The following S100A13 variants were observed in gnomAD, a reference collection of about 807,000 sequenced individuals.
The protein encoded by S100A13 is protein S100-A13.
In S100A13, 6 loss-of-function variants were observed where a neutral mutation model predicts 8.2. That is an observed-to-expected ratio of 0.73 (90% confidence interval 0.40 to 1.44). S100A13 has a LOEUF of 1.44. Ranked by LOEUF, S100A13 falls within the 40% of genes most tolerant of loss-of-function variation. The probability of loss-of-function intolerance (pLI) is 0.02; values close to 1 mark genes in which losing one functional copy is unlikely to be tolerated. For synonymous variants in S100A13, 39 were observed against 45.9 expected, an observed-to-expected ratio of 0.85 and a Z score of 0.61; for missense variants, 114 against 113.6, an observed-to-expected ratio of 1.00 and a Z score of -0.02.
upstream of S100A13, chr1:153,628,334 C>T: frequency 3.3e-6 from 5 of 1,527,698 alleles, no homozygotes; most frequent in Non-Finnish European, 4.4e-6. Context: ...TGCTCCTGGC[C>T]CCTTGCCCCA....
At chr1:153,626,601 GTCCC>G in intron 1 of S100A13, 68 bp from the exon 2 acceptor site, 1 of 891,728 alleles carries the variant, frequency 1.1e-6, no homozygotes, top group African/African-American at 1.7e-5. Context: ...GGTTCAGAAG[GTCCC>G]TGCCTTGGTG....
chr1:153,625,675 C>T (rs1423784021), intron 2 of S100A13, among the ~76,000 whole-genome samples: 2 of 152,242 alleles, frequency 1.3e-5, no homozygotes, highest in Non-Finnish European at 2.9e-5. Flanking sequence ...CCAGCTCTGA[C>T]AGTCTGTGAA....
upstream of S100A13, chr1:153,630,764 G>A: frequency 1.4e-6 from 2 of 1,450,218 alleles, no homozygotes; most frequent in South Asian, 2.7e-5. Flanking sequence ...GCTCAGCCTA[G>A]CCTCTTTCTT....
At chr1:153,620,831 C>G (rs1667196516) in intron 2 of S100A13, among the ~76,000 whole-genome samples, 1 of 151,892 alleles carries the variant, frequency 6.6e-6, no homozygotes, top group Admixed American at 6.6e-5. Context: ...TTGGGGAGGC[C>G]AAGGTGAGAG....
At chr1:153,627,889 G>A (rs1667764596), upstream of S100A13, 1 of 792,990 alleles carries the variant, frequency 1.3e-6, no homozygotes, top group Non-Finnish European at 2.0e-6. Flanking sequence ...AGGCCCCTTG[G>A]AATGAGATCC....
chr1:153,622,688 G>T (rs1667346586), intron 2 of S100A13, among the ~76,000 whole-genome samples: 1 of 152,222 alleles, frequency 6.6e-6, no homozygotes, highest in African/African-American at 2.4e-5. Flanking sequence ...CCATATATGT[G>T]AAGTGAGGAA....
chr1:153,620,884 T>C (rs780855655), intron 2 of S100A13, among the ~76,000 whole-genome samples: 8 of 151,978 alleles, frequency 5.3e-5, no homozygotes, highest in Non-Finnish European at 8.8e-5. Flanking sequence ...AGGGCAACAT[T>C]GTGAGACACC....
upstream of S100A13, chr1:153,628,490 G>A (rs1667809782): frequency 6.4e-7 from 1 of 1,550,710 alleles, no homozygotes; most frequent in Non-Finnish European, 8.7e-7. Flanking sequence ...TCAGGCCCAG[G>A]CCAACCGTGA....
upstream of S100A13, chr1:153,630,393 C>G: frequency 7.6e-7 from 1 of 1,315,648 alleles, no homozygotes; most frequent in South Asian, 1.5e-5. Flanking sequence ...CAGTAGGGCT[C>G]TAATCCCACA....
In S100A13 at chr1:153,621,163, T is replaced by TC. The variant is rs1185726026; in HGVS notation, c.154-2126_154-2125insG. Among the ~76,000 whole-genome samples, 5 of 151,614 alleles carry TC rather than the reference T, an allele frequency of 3.3e-5. No homozygotes were observed. The East Asian group carries it at 9.8e-4, about 30-fold the overall frequency. On this transcript the variant is annotated intron_variant, in intron 2 of 2. Transcript: ENST00000476133. Reference sequence around the variant, plus strand: ...CCCAATTAAACTATCTACAGGATTTTTTTTTTTTTTTGAGATGGAGTCTTA... The same window carrying TC: ...CCCAATTAAACTATCTACAGGATTTTCTTTTTTTTTTTGAGATGGAGTCTTA...
chr1:153,631,029 C>T (rs150888255), upstream of S100A13: 272 of 310,742 alleles, frequency 8.8e-4, no homozygotes, highest in African/African-American at 5.4e-3. Flanking sequence ...AGTCAGATGG[C>T]TTTCCTGAAG....
chr1:153,631,300 T>C (rs1667996710), upstream of S100A13: 2 of 693,584 alleles, frequency 2.9e-6, no homozygotes, highest in Admixed American at 2.9e-5. Flanking sequence ...ATTCCAGCCC[T>C]GCTACTTTCT....
At chr1:153,619,504 G>A (rs140676547) in intron 2 of S100A13, among the ~76,000 whole-genome samples, 2 of 152,316 alleles carry the variant, frequency 1.3e-5, no homozygotes, top group East Asian at 3.9e-4. Context: ...CCAGTACTTA[G>A]CTGCTCATTT....
chr1:153,623,332 T>C (rs1432548291), intron 2 of S100A13, among the ~76,000 whole-genome samples: 1 of 151,370 alleles, frequency 6.6e-6, no homozygotes, highest in Non-Finnish European at 1.5e-5. Context: ...AGAAGACTGC[T>C]GATTTCGGGG....
At chr1:153,628,563 G>A, upstream of S100A13, 3 of 1,538,548 alleles carry the variant, frequency 1.9e-6, no homozygotes, top group African/African-American at 1.4e-5. Context: ...TCTTCAGAAG[G>A]GCTCCAAGAG....
At chr1:153,634,223 C>G (rs1668213083), upstream of S100A13, 1 of 152,742 alleles carries the variant, frequency 6.5e-6, no homozygotes, top group Non-Finnish European at 1.5e-5. Flanking sequence ...CGCATCTAAC[C>G]AACCGCCCAT....
At position 153,626,407 on chromosome 1, in the gene S100A13, G is replaced by A; in HGVS notation, c.66C>T (p.Thr22=). The change falls in exon 2 of 3, where the codon ACC becomes ACT. Residue 22 remains threonine (T), a synonymous_variant. Coordinates refer to ENST00000476133, the MANE Select transcript of S100A13 (RefSeq NM_001024211.2). ...SIETVVTTFF[T]FARQEGRKDS... ...CCTTCCGGCCCTCCTGCCTTGCAAA[G>A]GTGAAGAAGGTGGTGACCACGGTCT... The A allele has an allele frequency of 1.2e-6, 2 of 1,614,196 alleles. No individual in the cohort carries two copies. Among genetic ancestry groups the A allele is most frequent in the Non-Finnish European group, 1.7e-6 (2 of 1,180,028 alleles).
At chr1:153,631,067 T>G, upstream of S100A13, 1 of 294,006 alleles carries the variant, frequency 3.4e-6, no homozygotes, top group South Asian at 6.5e-5. Flanking sequence ...TGGATTTCCA[T>G]TGGAAGATTA....
At chr1:153,628,417 C>G, upstream of S100A13, 1 of 1,550,530 alleles carries the variant, frequency 6.4e-7, no homozygotes, top group South Asian at 1.2e-5. Flanking sequence ...AGACAGGTCT[C>G]CACACACAGC....
Sources: allele counts gnomAD v4.1 joint callset (sites outside exome capture counted in the v4.1 genomes callset), GRCh38; gene constraint gnomAD v4.1.1; transcripts MANE v1.5; gene names NCBI Gene and HGNC (gene_info 2026-07-23, HGNC 2026-07-21).